The following TMUB2 variants were observed in gnomAD, a reference collection of about 807,000 sequenced individuals.
TMUB2 encodes transmembrane and ubiquitin like domain containing 2.
A neutral mutation model predicts 20.2 loss-of-function variants in TMUB2; 19 were observed. That is an observed-to-expected ratio of 0.94 (90% CI 0.66 to 1.38). The LOEUF (loss-of-function observed/expected upper bound fraction) is 1.38, where lower values mean the gene tolerates loss of function less well. Ranked by LOEUF, TMUB2 falls within the 40% of genes most tolerant of loss-of-function variation. The probability of loss-of-function intolerance (pLI) is 0.00; values close to 1 mark genes in which losing one functional copy is unlikely to be tolerated. For missense variants in TMUB2, 426 were observed against 402.5 expected (o/e 1.06, Z -0.50); for synonymous variants, 186 against 166.0 (o/e 1.12, Z -0.92).
chr17:44,191,796 G>A lies in TMUB2; in HGVS notation c.*932G>A, dbSNP rs2055639042. On this transcript the variant is annotated 3_prime_UTR_variant, in exon 4 of 4. Coordinates refer to ENST00000538716, the MANE Select transcript of TMUB2 (RefSeq NM_001076674.3). The stretch of plus-strand genomic sequence containing the variant: ...AGGAAAATGGTAATGAGAGTAGGTA[G>A]GCCGGGGCTACCAACGGGAGATGCA... 3.1e-6 allele frequency: 3 copies of A among 954,568 alleles called. No homozygotes were observed. Among genetic ancestry groups the A allele is most frequent in the Non-Finnish European group, 3.7e-6 (3 of 801,632 alleles). 59.1% of individuals were successfully genotyped at this position (954,568 alleles called of 1,614,324 possible). A position where few individuals can be genotyped will look rare whatever the true frequency, so the allele number is the denominator to read the frequency against.
At chr17:44,190,243 C>T (rs530043734) in intron 3 of TMUB2, 88 of 365,360 alleles carry the variant, frequency 2.4e-4, no homozygotes, top group East Asian at 7.4e-4. Flanking sequence ...CCCAGCTACT[C>T]GGGAGGGTGA....
Position 44,188,204 on chromosome 17 carries a change from A to G in TMUB2, c.35+461A>G, listed in dbSNP as rs539361245. Among the ~76,000 whole-genome samples the G allele has an allele frequency of 2.0e-5, 3 of 152,316 alleles. No individual in the cohort carries two copies. The East Asian group carries it at 5.8e-4, about 29-fold the overall frequency. On this transcript the variant is annotated intron_variant, in intron 2 of 3. Transcript: ENST00000538716. ...AGCAGCAGAACCTTCACAGTGAAAG[A>G]AGAGAGACTGAGATATGGATTGTGA...
chr17:44,191,821 A>G lies in TMUB2; in HGVS notation c.*957A>G, dbSNP rs905560500. 2.5e-6 allele frequency: 2 copies of G among 808,838 alleles called. No homozygotes were observed. Among genetic ancestry groups the G allele is most frequent in the African/African-American group, 3.7e-5 (2 of 53,358 alleles). The allele number at this position is 808,838 out of a possible 1,614,324, so 50.1% of individuals were successfully genotyped here. A position where few individuals can be genotyped will look rare whatever the true frequency, so the allele number is the denominator to read the frequency against. The stretch of plus-strand genomic sequence containing the variant: ...GGCCGGGGCTACCAACGGGAGATGC[A>G]GTTTATTTACACCAGCAGCCATGGG... On this transcript the variant is annotated 3_prime_UTR_variant, in exon 4 of 4. Transcript: ENST00000538716.
rs778179937 is a variant in TMUB2, at chr17:44,190,791, C to T, written c.893C>T (p.Ala298Val). ...FRINYRQFFTAPATVSLVGVT... is the reference protein window; with the variant it reads ...FRINYRQFFTVPATVSLVGVT... ...ATCAATTACCGCCAATTCTTCACAGCACCTGCCACTGTCTCCCTGGTGGGA... is the reference window on the plus strand; with the variant it reads ...ATCAATTACCGCCAATTCTTCACAGTACCTGCCACTGTCTCCCTGGTGGGA... Residue 298 changes from alanine to valine, a missense_variant, in exon 4 of 4, where the codon GCA becomes GTA. Transcript: ENST00000538716. 2.5e-6 allele frequency: 4 copies of T among 1,614,198 alleles called. No homozygotes were observed. Among genetic ancestry groups the T allele is most frequent in the Non-Finnish European group, 3.4e-6 (4 of 1,180,010 alleles).
At chr17:44,188,827 T>G (rs928845635) in intron 2 of TMUB2, 195 bp from the exon 3 acceptor site, 3 of 878,378 alleles carry the variant, frequency 3.4e-6, no homozygotes, top group Non-Finnish European at 4.8e-6. Context: ...AGTTTCACAA[T>G]AGAGGCAAAG....
chr17:44,189,325 G>T lies in TMUB2; in HGVS notation c.339G>T (p.Ala113=), dbSNP rs879249134. The change falls in exon 3 of 4, where the codon GCG becomes GCT. Residue 113 remains alanine, a synonymous_variant. Coordinates refer to ENST00000538716, the MANE Select transcript of TMUB2 (RefSeq NM_001076674.3). ...GTAATGATGAGAAGGCTGAAGAGGCGGGTGAAGGTCGGGGAGACTCCACTG... is the reference window on the plus strand; with the variant it reads ...GTAATGATGAGAAGGCTGAAGAGGCTGGTGAAGGTCGGGGAGACTCCACTG... ...SEGNDEKAEE[A]GEGRGDSTGE... 1.3e-6 allele frequency: 2 copies of T among 1,593,762 alleles called. No individual in the cohort carries two copies.
intron 1 of TMUB2, 66 bp from the exon 2 acceptor site, chr17:44,187,610 C>A: frequency 1.4e-6 from 1 of 706,462 alleles, no homozygotes; most frequent in Admixed American, 2.0e-5. Context: ...AACCTTCTTA[C>A]CATCAGGGGT....
chr17:44,188,847 G>C, intron 2 of TMUB2, 175 bp from the exon 3 acceptor site: 1 of 1,128,738 alleles, frequency 8.9e-7, no homozygotes, highest in Non-Finnish European at 1.2e-6. Flanking sequence ...GGGTAGGGTA[G>C]GTCTTTAGGT....
At chr17:44,189,692 T>G (rs536527619) in intron 3 of TMUB2, 104 bp downstream of exon 3, 6 of 1,111,768 alleles carry the variant, frequency 5.4e-6, no homozygotes, top group Non-Finnish European at 7.5e-6. Context: ...AAGTGTAAGA[T>G]CCAGCCCCTA....
chr17:44,189,508 C>A lies in TMUB2; in HGVS notation c.522C>A (p.Ile174=), dbSNP rs745514372. ...STCLPPSPGL[I]TVRLKFLNDT... is the part of the protein sequence containing the mutation. ...GCCTCCCTCCCAGCCCTGGCCTCAT[C>A]ACTGTGCGGCTCAAATTCCTCAATG... The change falls in exon 3 of 4, where the codon ATC becomes ATA. Residue 174 remains isoleucine (I), a synonymous_variant. Transcript: ENST00000538716. 6 of 1,613,898 alleles carry A rather than the reference C, an allele frequency of 3.7e-6. No homozygotes were observed. Among genetic ancestry groups the A allele is most frequent in the Admixed American group, 3.3e-5 (2 of 59,992 alleles).
chr17:44,190,349 CAAAAAAAAA>C (rs34097625), intron 3 of TMUB2, 143 bp from the exon 4 acceptor site: 8 of 324,830 alleles, frequency 2.5e-5, no homozygotes, highest in East Asian at 6.2e-5. Flanking sequence ...GACTCCGTCT[CAAAAAAAAA>C]AAAAAAAAAA....
intron 3 of TMUB2, 118 bp from the exon 4 acceptor site, chr17:44,190,383 A>T: frequency 3.9e-4 from 257 of 657,980 alleles, no homozygotes; most frequent in Non-Finnish European, 5.6e-4. Flanking sequence ...GATAAAGATG[A>T]GGGAAAAAAA....
At position 44,188,878 on chromosome 17, in the gene TMUB2, T is replaced by C. The variant is rs550098263; in HGVS notation, c.36-144T>C. On this transcript the variant is annotated intron_variant, in intron 2 of 3. Coordinates refer to ENST00000538716, the MANE Select transcript of TMUB2 (RefSeq NM_001076674.3). ...TAGGTTTAGGTTGGGGTGCCGGAAT[T>C]AGGAAGGTTTGTGCCCCCTTCTACA... 6.6e-6 allele frequency: 9 copies of C among 1,367,882 alleles called. No homozygotes were observed. In the Admixed American group the frequency reaches 9.6e-5, roughly 15 times the overall value. The allele number at this position is 1,367,882 out of a possible 1,614,324, so 84.7% of individuals were successfully genotyped here.
intron 3 of TMUB2, 25 bp downstream of exon 3, chr17:44,189,613 C>T (rs780989114): frequency 5.5e-5 from 84 of 1,528,950 alleles, no homozygotes; most frequent in Non-Finnish European, 7.0e-5. Flanking sequence ...AAGTGGGAAG[C>T]TGCTTGTGCT....
rs1330544271 is a variant in TMUB2, at chr17:44,191,049, C to T, written c.*185C>T. The T allele has an allele frequency of 2.3e-5, 33 of 1,408,378 alleles. No individual in the cohort carries two copies. Among genetic ancestry groups the T allele is most frequent in the Non-Finnish European group, 2.9e-5 (31 of 1,085,742 alleles). 87.2% of individuals were successfully genotyped at this position (1,408,378 alleles called of 1,614,324 possible). A position where few individuals can be genotyped will look rare whatever the true frequency, so the allele number is the denominator to read the frequency against. On this transcript the variant is annotated 3_prime_UTR_variant, in exon 4 of 4. Coordinates refer to ENST00000538716, the MANE Select transcript of TMUB2 (RefSeq NM_001076674.3). ...CTCATCCACAGGAGTACAGATGTCC[C>T]TCCCGTGCGAGCACAACTCAGGTAG...
At chr17:44,190,373 G>C (rs1427274712) in intron 3 of TMUB2, 128 bp from the exon 4 acceptor site, 17 of 690,566 alleles carry the variant, frequency 2.5e-5, no homozygotes, top group Non-Finnish European at 3.7e-5. Flanking sequence ...AAAAAAAAAG[G>C]ATAAAGATGA....
chr17:44,190,850 A>C lies in TMUB2; in HGVS notation c.952A>C (p.Met318Leu). Residue 318 changes from methionine (M) to leucine (L), a missense_variant, in exon 4 of 4, where the codon ATG (methionine) becomes CTG (leucine). By Grantham distance (15) the Met-to-Leu change is conservative (BLOSUM62 2). Coordinates refer to ENST00000538716, the MANE Select transcript of TMUB2 (RefSeq NM_001076674.3). ...TVFFSFLVFGMYGR is the reference protein window; with the variant it reads ...TVFFSFLVFGLYGR ...CTTCTTCAGCTTCCTAGTATTTGGGATGTATGGACGATAAGGACATAGGAA... is the reference window on the plus strand; with the variant it reads ...CTTCTTCAGCTTCCTAGTATTTGGGCTGTATGGACGATAAGGACATAGGAA... 6.2e-7 allele frequency: 1 copy of C among 1,612,064 alleles called. No individual in the cohort carries two copies. The highest frequency in any genetic ancestry group is 8.5e-7 in the Non-Finnish European group (1 of 1,178,872).
At position 44,191,456 on chromosome 17, in the gene TMUB2, TTTTA is replaced by T. The variant is rs1286580979; in HGVS notation, c.*596_*599del. 1 of 985,662 alleles carries T rather than the reference TTTTA, an allele frequency of 1.0e-6. No homozygotes were observed. The highest frequency in any genetic ancestry group is 1.2e-6 in the Non-Finnish European group (1 of 829,940). 61.1% of individuals were successfully genotyped at this position (985,662 alleles called of 1,614,324 possible). A position where few individuals can be genotyped will look rare whatever the true frequency, so the allele number is the denominator to read the frequency against. On this transcript the variant is annotated 3_prime_UTR_variant, in exon 4 of 4. Coordinates refer to ENST00000538716, the MANE Select transcript of TMUB2 (RefSeq NM_001076674.3). ...CTTCTTTCAAAGCACTTTGCTTGCA[TTTTA>T]TTTTATTTTTTTAAGAGTCCTTCAT...
chr17:44,189,190 C>T lies in TMUB2; in HGVS notation c.204C>T (p.Gly68=), dbSNP rs147722819. 4.8e-5 allele frequency: 78 copies of T among 1,614,036 alleles called. No individual in the cohort carries two copies. Among genetic ancestry groups the T allele is most frequent in the African/African-American group, 1.5e-4 (11 of 75,002 alleles). Residue 68 remains glycine, a synonymous_variant, in exon 3 of 4, where the codon GGC becomes GGT. Transcript: ENST00000538716. ...ACAGCGGTAGCAACCAGCTCCTGGGCGCTATTGTGTCAGCAGGCGACACAT... is the reference window on the plus strand; with the variant it reads ...ACAGCGGTAGCAACCAGCTCCTGGGTGCTATTGTGTCAGCAGGCGACACAT... The part of the protein sequence containing the change: ...VADSGSNQLL[G]AIVSAGDTSV...
Sources: allele counts gnomAD v4.1 joint callset (sites outside exome capture counted in the v4.1 genomes callset), GRCh38; gene constraint gnomAD v4.1.1; transcripts MANE v1.5; gene names NCBI Gene and HGNC (gene_info 2026-07-23, HGNC 2026-07-21).